Variants in GALNT14 observed in about 807,000 individuals in gnomAD.
GALNT14 encodes UDP-GalNAc:polypeptide N-acetylgalactosaminyltransferase 14.
GALNT14 carries 60 observed loss-of-function variants against 77.5 expected under a neutral mutation model. The observed-to-expected ratio is 0.77, with a 90% CI of 0.63 to 0.96. The LOEUF is 0.96. GALNT14 is among the 40% of genes least tolerant of loss of function. The pLI, the probability that GALNT14 is intolerant of heterozygous loss-of-function variation, is 0.00. For synonymous variants in GALNT14, 280 were observed against 281.7 expected (o/e 0.99, Z 0.06); for missense variants, 710 against 731.0 (o/e 0.97, Z 0.33).
intron 8 of GALNT14, 47 bp downstream of exon 8, chr2:30,944,811 C>T: frequency 7.0e-7 from 1 of 1,427,008 alleles, no homozygotes; most frequent in African/African-American, 1.4e-5. Context: ...TTGACAGGAT[C>T]CAGTGGTGAT....
chr2:30,934,357 A>C (rs1665930117), intron 9 of GALNT14, among the ~76,000 whole-genome samples: 1 of 152,198 alleles, frequency 6.6e-6, no homozygotes, highest in African/African-American at 2.4e-5. Flanking sequence ...TCCAGTTCCC[A>C]AAATGGAAAA....
intron 14 of GALNT14, 123 bp downstream of exon 14, chr2:30,912,100 A>T (rs1664397654): frequency 1.6e-6 from 2 of 1,264,718 alleles, no homozygotes; most frequent in Non-Finnish European, 2.2e-6. Context: ...CCCTCTCCTG[A>T]CCTCTCTTAT....
At chr2:30,935,838 A>G (rs962309445) in intron 9 of GALNT14, among the ~76,000 whole-genome samples, 2 of 152,168 alleles carry the variant, frequency 1.3e-5, no homozygotes, top group Non-Finnish European at 2.9e-5. Flanking sequence ...GACAAGTGCT[A>G]TCAGAAGTGC....
At chr2:31,099,588 G>A (rs1442515087) in intron 1 of GALNT14, among the ~76,000 whole-genome samples, 7 of 151,912 alleles carry the variant, frequency 4.6e-5, no homozygotes, top group African/African-American at 1.7e-4. Context: ...CATGGTGTGA[G>A]GTATGGATAC....
At chr2:31,129,311 C>T (rs1449291336) in intron 1 of GALNT14, 2 of 892,208 alleles carry the variant, frequency 2.2e-6, no homozygotes, top group East Asian at 2.4e-4. Context: ...AATGAGGCAA[C>T]TGTGGATATA....
intron 1 of GALNT14, among the ~76,000 whole-genome samples, chr2:31,128,836 T>C (rs1206953917): frequency 6.6e-6 from 1 of 152,156 alleles, no homozygotes; most frequent in Non-Finnish European, 1.5e-5. Context: ...GGCCCAAGCA[T>C]GGGTTAAACT....
chr2:31,005,838 T>A (rs927769194), intron 1 of GALNT14, among the ~76,000 whole-genome samples: 4 of 152,224 alleles, frequency 2.6e-5, no homozygotes, highest in Non-Finnish European at 4.4e-5. Flanking sequence ...AGAAAACTAT[T>A]TTAAGAAGCG....
At chr2:30,919,882 T>C (rs1173232512) in intron 13 of GALNT14, among the ~76,000 whole-genome samples, 1 of 152,204 alleles carries the variant, frequency 6.6e-6, no homozygotes, top group Non-Finnish European at 1.5e-5. Flanking sequence ...CTTGTCCCAA[T>C]GCCCATAACA....
chr2:30,912,380 C>T (rs1664421730), intron 13 of GALNT14, 38 bp from the exon 14 acceptor site: 3 of 1,608,978 alleles, frequency 1.9e-6, no homozygotes, highest in African/African-American at 2.7e-5. Context: ...GTTCAGGATC[C>T]AGGAAGCCAC....
chr2:31,035,006 G>A (rs11886050), intron 1 of GALNT14, among the ~76,000 whole-genome samples: 5,983 of 152,136 alleles, frequency 0.039, 372 homozygotes, highest in African/African-American at 0.14. Flanking sequence ...GTTGTGTTAC[G>A]GTCTAACATA....
chr2:31,129,728 G>A (rs1313326758), intron 1 of GALNT14: 4 of 782,120 alleles, frequency 5.1e-6, no homozygotes, highest in African/African-American at 1.9e-5. Flanking sequence ...GAGGTGGGGG[G>A]TGGGAGGGAC....
At chr2:30,959,295 C>T (rs967826051) in intron 3 of GALNT14, among the ~76,000 whole-genome samples, 2 of 152,192 alleles carry the variant, frequency 1.3e-5, no homozygotes, top group Admixed American at 1.3e-4. Flanking sequence ...TTTTGTACCT[C>T]ACCCGCCTGT....
chr2:31,051,922 G>T (rs1040723292), intron 1 of GALNT14, among the ~76,000 whole-genome samples: 1 of 151,824 alleles, frequency 6.6e-6, no homozygotes, highest in African/African-American at 2.4e-5. Context: ...CCTCCCCTCC[G>T]CCCACCCAAC....
At chr2:30,920,358 G>A (rs771851113) in intron 13 of GALNT14, among the ~76,000 whole-genome samples, 3 of 152,204 alleles carry the variant, frequency 2.0e-5, no homozygotes, top group Admixed American at 6.5e-5. Flanking sequence ...GGCAAAAGAA[G>A]TGGGAGCAGA....
chr2:31,012,197 C>T (rs1408228764), intron 1 of GALNT14, among the ~76,000 whole-genome samples: 3 of 152,188 alleles, frequency 2.0e-5, no homozygotes, highest in Admixed American at 1.3e-4. Context: ...GGTTGGATCC[C>T]ACTCACAGAA....
intron 2 of GALNT14, among the ~76,000 whole-genome samples, chr2:30,989,559 CTTATATAT>C (rs1477979270): frequency 2.6e-5 from 1 of 38,438 alleles, no homozygotes; most frequent in Admixed American, 3.4e-4. Context: ...AGGTAAATAC[CTTATATAT>C]ATATATATAT....
intron 8 of GALNT14, among the ~76,000 whole-genome samples, chr2:30,943,370 G>A (rs1355540203): frequency 3.9e-5 from 6 of 152,158 alleles, no homozygotes; most frequent in South Asian, 2.1e-4. Context: ...CCTGGCCCCC[G>A]TTCAGTGGAT....
intron 1 of GALNT14, among the ~76,000 whole-genome samples, chr2:31,076,251 T>C (rs915040714): frequency 1.3e-5 from 2 of 152,280 alleles, no homozygotes; most frequent in African/African-American, 2.4e-5. Flanking sequence ...TTCTAACAAG[T>C]CTTCAAGGTC....
chr2:31,062,534 G>A (rs191834071), intron 1 of GALNT14, among the ~76,000 whole-genome samples: 4 of 152,298 alleles, frequency 2.6e-5, no homozygotes, highest in Admixed American at 2.6e-4. Flanking sequence ...ATGTGCATGT[G>A]TCTTTATAGT....
Sources: allele counts gnomAD v4.1 joint callset (sites outside exome capture counted in the v4.1 genomes callset), GRCh38; gene constraint gnomAD v4.1.1; transcripts MANE v1.5; gene names NCBI Gene and HGNC (gene_info 2026-07-23, HGNC 2026-07-21).